The following GALNT17 variants were observed in gnomAD, a reference collection of about 807,000 sequenced individuals.
The protein encoded by GALNT17 is UDP-GalNAc:polypeptide N-acetylgalactosaminyltransferase-like 3.
GALNT17 carries 29 observed loss-of-function variants against 63.7 expected under a neutral mutation model. The ratio of observed to expected loss-of-function variants is 0.46; its 90% CI spans 0.34 to 0.62. The LOEUF is 0.62. Among genes scored for constraint, GALNT17 ranks in the 20% least tolerant of loss-of-function variants. The probability of loss-of-function intolerance (pLI) is 0.01; values close to 1 mark genes in which losing one functional copy is unlikely to be tolerated. For synonymous variants in GALNT17, 305 were observed against 318.3 expected (o/e 0.96, Z 0.45); for missense variants, 603 against 799.6 (o/e 0.75, Z 2.97).
At chr7:71,667,975 T>G (rs566834514) in intron 7 of GALNT17, among the ~76,000 whole-genome samples, 51 of 152,068 alleles carry the variant, frequency 3.4e-4, no homozygotes, top group Non-Finnish European at 6.2e-4. Context: ...ACTTCCGTAT[T>G]TTTTGTAGAG....
chr7:71,575,896 A>G (rs547009152), intron 6 of GALNT17, among the ~76,000 whole-genome samples: 188 of 152,306 alleles, frequency 1.2e-3, no homozygotes, highest in Admixed American at 2.9e-3. Context: ...AAAACAATCA[A>G]TACAGAAAAG....
chr7:71,512,986 G>A (rs780738337), intron 5 of GALNT17, among the ~76,000 whole-genome samples: 3 of 152,152 alleles, frequency 2.0e-5, no homozygotes, highest in Admixed American at 6.6e-5. Flanking sequence ...ACATTAAATA[G>A]CATTTCTGTG....
intron 1 of GALNT17, among the ~76,000 whole-genome samples, chr7:71,270,423 G>T (rs958731022): frequency 4.0e-5 from 6 of 151,692 alleles, no homozygotes; most frequent in Admixed American, 3.9e-4. Flanking sequence ...TACTCTGGAG[G>T]CTGAGGCAGG....
chr7:71,172,681 A>G (rs1305937608), intron 1 of GALNT17, among the ~76,000 whole-genome samples: 4 of 152,162 alleles, frequency 2.6e-5, no homozygotes, highest in Non-Finnish European at 5.9e-5. Flanking sequence ...TATCACCAAC[A>G]GTGCCTTGGA....
chr7:71,674,042 G>T (rs191589562), intron 8 of GALNT17, among the ~76,000 whole-genome samples: 1 of 152,328 alleles, frequency 6.6e-6, no homozygotes, highest in African/African-American at 2.4e-5. Context: ...GGCATTGGGG[G>T]TGACATTGTG....
At chr7:71,144,484 A>G (rs1356493660) in intron 1 of GALNT17, among the ~76,000 whole-genome samples, 1 of 152,174 alleles carries the variant, frequency 6.6e-6, no homozygotes, top group Non-Finnish European at 1.5e-5. Context: ...TGCTAAGAGT[A>G]CAAGAGGTCA....
Position 71,473,882 on chromosome 7 carries a change from G to T in GALNT17, c.962+52777G>T, listed in dbSNP as rs532917103. On this transcript the variant is annotated intron_variant, in intron 5 of 10. Transcript: ENST00000333538. ...GAGAGGGTTCTTGGATCTCACAAAA[G>T]AAAGAATTCGGTGCAAGTCCAAGGA... Among the ~76,000 whole-genome samples, 27 of 152,246 alleles carry T rather than the reference G, an allele frequency of 1.8e-4. No individual in the cohort carries two copies. The South Asian group carries it at 5.6e-3, about 32-fold the overall frequency.
At chr7:71,229,368 C>G (rs1391810999) in intron 1 of GALNT17, among the ~76,000 whole-genome samples, 1 of 152,174 alleles carries the variant, frequency 6.6e-6, no homozygotes, top group African/African-American at 2.4e-5. Context: ...GCCTGAGTGG[C>G]TTTAGCGGGG....
chr7:71,149,237 T>C (rs1788087595), intron 1 of GALNT17, among the ~76,000 whole-genome samples: 2 of 152,152 alleles, frequency 1.3e-5, no homozygotes, highest in Admixed American at 1.3e-4. Flanking sequence ...GCTATTTCTA[T>C]TGAACATCAA....
chr7:71,169,952 A>G (rs186920291), intron 1 of GALNT17, among the ~76,000 whole-genome samples: 1 of 150,594 alleles, frequency 6.6e-6, no homozygotes, highest in Admixed American at 6.6e-5. Flanking sequence ...TAAATTGATA[A>G]CACTTTATCT....
At chr7:71,383,106 T>C (rs566078847) in intron 2 of GALNT17, among the ~76,000 whole-genome samples, 48 of 152,346 alleles carry the variant, frequency 3.2e-4, no homozygotes, top group African/African-American at 1.1e-3. Context: ...ACAGAATTTA[T>C]GTTTTGTGAT....
At chr7:71,350,988 A>G (rs546902713) in intron 2 of GALNT17, among the ~76,000 whole-genome samples, 2 of 151,522 alleles carry the variant, frequency 1.3e-5, no homozygotes, top group South Asian at 4.2e-4. Flanking sequence ...TAAAAATACA[A>G]AAATTAGCTG....
chr7:71,261,451 A>G (rs1176395450), intron 1 of GALNT17, among the ~76,000 whole-genome samples: 1 of 152,224 alleles, frequency 6.6e-6, no homozygotes, highest in East Asian at 1.9e-4. Context: ...CCTAGCACTC[A>G]GCTTCTGAGG....
At chr7:71,679,179 G>A (rs1562733375) in intron 9 of GALNT17, among the ~76,000 whole-genome samples, 1 of 152,040 alleles carries the variant, frequency 6.6e-6, no homozygotes, top group African/African-American at 2.4e-5. Flanking sequence ...TGATGGCTGA[G>A]GCGGGAGGAT....
intron 5 of GALNT17, among the ~76,000 whole-genome samples, chr7:71,467,185 A>G (rs967897801): frequency 8.5e-5 from 13 of 152,110 alleles, no homozygotes; most frequent in Non-Finnish European, 1.0e-4. Context: ...TCCTCTTTCA[A>G]GTTATGCCTG....
intron 1 of GALNT17, among the ~76,000 whole-genome samples, chr7:71,272,412 C>T (rs1189010621): frequency 6.6e-6 from 1 of 152,164 alleles, no homozygotes; most frequent in Non-Finnish European, 1.5e-5. Context: ...GCCTGTTTTC[C>T]AAAGTGGCTC....
At chr7:71,255,051 C>T (rs1790265007) in intron 1 of GALNT17, among the ~76,000 whole-genome samples, 1 of 152,194 alleles carries the variant, frequency 6.6e-6, no homozygotes, top group African/African-American at 2.4e-5. Flanking sequence ...ACAGGATGTT[C>T]AAGTTAGAAC....
chr7:71,540,868 G>C (rs1788878383), intron 5 of GALNT17, among the ~76,000 whole-genome samples: 1 of 152,124 alleles, frequency 6.6e-6, no homozygotes, highest in Admixed American at 6.6e-5. Flanking sequence ...CTTTAGGTCT[G>C]CTTCTCCCTG....
intron 1 of GALNT17, among the ~76,000 whole-genome samples, chr7:71,156,438 A>C (rs1413789092): frequency 6.6e-6 from 1 of 151,786 alleles, no homozygotes; most frequent in South Asian, 2.1e-4. Flanking sequence ...CAAAAGCTGA[A>C]TGGGTGAGTC....
Sources: allele counts gnomAD v4.1 joint callset (sites outside exome capture counted in the v4.1 genomes callset), GRCh38; gene constraint gnomAD v4.1.1; transcripts MANE v1.5; gene names NCBI Gene and HGNC (gene_info 2026-07-23, HGNC 2026-07-21).